RARB: variants seen among roughly 807,000 people sequenced by gnomAD.
The protein encoded by RARB is HBV-activated protein.
RARB carries 17 observed loss-of-function variants against 51.9 expected under a neutral mutation model. That is an observed-to-expected ratio of 0.33 (90% confidence interval 0.22 to 0.49). The LOEUF (loss-of-function observed/expected upper bound fraction) is 0.49. Ranked by LOEUF, RARB falls within the 20% of genes least tolerant of loss-of-function variation. RARB has a pLI of 0.99. For synonymous variants in RARB, 215 were observed against 195.4 expected, an observed-to-expected ratio of 1.10 and a Z score of -0.84; for missense variants, 369 against 550.8, an observed-to-expected ratio of 0.67 and a Z score of 3.30.
At chr3:25,279,102 G>C (rs950181202) in intron 5 of RARB, among the ~76,000 whole-genome samples, 2 of 152,104 alleles carry the variant, frequency 1.3e-5, no homozygotes, top group East Asian at 3.9e-4. Context: ...CACACACATC[G>C]TTGCCTTCTA....
chr3:25,417,939 G>A (rs1707751817), intron 5 of RARB, among the ~76,000 whole-genome samples: 1 of 150,380 alleles, frequency 6.6e-6, no homozygotes, highest in African/African-American at 2.5e-5. Flanking sequence ...CAGGGAGCCA[G>A]GTTCTTTCCA....
intron 5 of RARB, among the ~76,000 whole-genome samples, chr3:25,258,155 T>A (rs1170637375): frequency 6.6e-6 from 1 of 152,124 alleles, no homozygotes; most frequent in Non-Finnish European, 1.5e-5. Flanking sequence ...GGGCATCAGA[T>A]TGAACTTAGG....
chr3:25,174,479 C>T (rs962128021), exon 5 of RARB: 1 of 1,352,036 alleles, frequency 7.4e-7, no homozygotes, highest in African/African-American at 1.5e-5. Flanking sequence ...CTACCCGTTA[C>T]TCTTTCCACC....
intron 5 of RARB, among the ~76,000 whole-genome samples, chr3:25,410,911 CA>C (rs1362193274): frequency 1.3e-5 from 2 of 152,168 alleles, no homozygotes; most frequent in African/African-American, 4.8e-5. Context: ...TACTACTGGG[CA>C]AAGGTCAGCC....
intron 4 of RARB, among the ~76,000 whole-genome samples, chr3:25,168,483 C>T (rs1191642255): frequency 6.6e-6 from 1 of 152,118 alleles, no homozygotes; most frequent in Non-Finnish European, 1.5e-5. Context: ...ACCTCAGCCT[C>T]CCAAAGTGCT....
chr3:25,567,546 G>A (rs753897073), intron 3 of RARB, among the ~76,000 whole-genome samples: 2 of 151,950 alleles, frequency 1.3e-5, no homozygotes, highest in Admixed American at 6.6e-5. Context: ...CCCCGTCATC[G>A]GGTGATGAAC....
chr3:24,858,387 G>A (rs919296752), intron 1 of RARB, among the ~76,000 whole-genome samples: 8 of 152,108 alleles, frequency 5.3e-5, no homozygotes, highest in South Asian at 2.1e-4. Flanking sequence ...TTTAAAGCAC[G>A]TAAGCCCACC....
intron 4 of RARB, among the ~76,000 whole-genome samples, chr3:25,140,250 T>C (rs755086506): frequency 6.6e-6 from 1 of 152,216 alleles, no homozygotes; most frequent in Non-Finnish European, 1.5e-5. Context: ...GCAGAGTTAA[T>C]TGAAAATCTT....
At chr3:25,051,398 C>T (rs941800532) in intron 2 of RARB, among the ~76,000 whole-genome samples, 2 of 152,068 alleles carry the variant, frequency 1.3e-5, no homozygotes, top group Non-Finnish European at 2.9e-5. Context: ...TAAGTACTTT[C>T]AAAGAACTGT....
At chr3:25,339,367 C>T (rs1705154871) in intron 5 of RARB, among the ~76,000 whole-genome samples, 1 of 152,144 alleles carries the variant, frequency 6.6e-6, no homozygotes, top group East Asian at 1.9e-4. Flanking sequence ...GCTGTTTGAA[C>T]CATGTTCAAG....
chr3:25,159,848 T>C (rs1027103878), intron 4 of RARB, among the ~76,000 whole-genome samples: 25 of 152,120 alleles, frequency 1.6e-4, no homozygotes, highest in African/African-American at 6.0e-4. Flanking sequence ...AAACTTTTAT[T>C]TTTCTTCTAG....
chr3:24,916,767 CAAAAAAA>C (rs386396164), intron 2 of RARB, among the ~76,000 whole-genome samples: 7 of 112,792 alleles, frequency 6.2e-5, no homozygotes, highest in Middle Eastern at 4.7e-3. Context: ...GTTTGCTGTT[CAAAAAAA>C]AAAAAAAAAA....
At chr3:25,063,426 TC>T (rs1447381566) in intron 3 of RARB, among the ~76,000 whole-genome samples, 1 of 152,044 alleles carries the variant, frequency 6.6e-6, no homozygotes, top group African/African-American at 2.4e-5. Flanking sequence ...TTGCTTTCCA[TC>T]CTATTTCTTT....
At chr3:25,567,851 A>G (rs1234292076) in intron 3 of RARB, among the ~76,000 whole-genome samples, 1 of 152,026 alleles carries the variant, frequency 6.6e-6, no homozygotes, top group African/African-American at 2.4e-5. Flanking sequence ...GATCCTGCGC[A>G]CTCACACACA....
intron 2 of RARB, among the ~76,000 whole-genome samples, chr3:25,018,567 C>T (rs1424109243): frequency 6.6e-6 from 1 of 152,080 alleles, no homozygotes; most frequent in Non-Finnish European, 1.5e-5. Flanking sequence ...TAATAGGCAA[C>T]TGTTAAAAGA....
At chr3:25,155,615 T>C (rs1412531019) in intron 4 of RARB, among the ~76,000 whole-genome samples, 1 of 152,260 alleles carries the variant, frequency 6.6e-6, no homozygotes, top group Non-Finnish European at 1.5e-5. Flanking sequence ...AAATATAATC[T>C]GGAGGAAGAA....
intron 3 of RARB, among the ~76,000 whole-genome samples, chr3:25,538,915 C>G (rs1699251499): frequency 6.6e-6 from 1 of 152,226 alleles, no homozygotes; most frequent in South Asian, 2.1e-4. Flanking sequence ...TTTAGTTCCT[C>G]TTACCCACAG....
At chr3:25,032,638 C>G (rs1363471637) in intron 2 of RARB, among the ~76,000 whole-genome samples, 1 of 152,158 alleles carries the variant, frequency 6.6e-6, no homozygotes, top group Non-Finnish European at 1.5e-5. Context: ...TAGCACTGGT[C>G]AGGCTGTGTG....
At chr3:25,464,017 G>T (rs1247626322) in intron 2 of RARB, among the ~76,000 whole-genome samples, 1 of 152,136 alleles carries the variant, frequency 6.6e-6, no homozygotes, top group Non-Finnish European at 1.5e-5. Flanking sequence ...CCTGAGATTT[G>T]GAAAGGTTTC....
Sources: gnomAD v4.1 joint callset for allele counts (sites outside exome capture counted in the v4.1 genomes callset) on GRCh38, gnomAD v4.1.1 for gene constraint, MANE v1.5 for transcripts, NCBI Gene and HGNC (gene_info 2026-07-23, HGNC 2026-07-21) for gene names.